SEMA3D: variants seen among roughly 807,000 people sequenced by gnomAD.
SEMA3D encodes the protein semaphorin 3D.
SEMA3D carries 84 observed loss-of-function variants against 100.1 expected under a neutral mutation model. That is an observed-to-expected ratio of 0.84 (90% confidence interval 0.70 to 1.01). SEMA3D has a LOEUF of 1.01. Ranked by LOEUF, SEMA3D falls within the 50% of genes least tolerant of loss-of-function variation. SEMA3D has a pLI of 0.00. For synonymous variants in SEMA3D, 312 were observed against 320.7 expected (o/e 0.97, Z 0.29); for missense variants, 875 against 934.1 (o/e 0.94, Z 0.82).
chr7:85,226,508 T>C, the SEMA3D span, among the ~76,000 whole-genome samples: 6 of 152,330 alleles, frequency 3.9e-5, no homozygotes, highest in East Asian at 5.8e-4. Flanking sequence ...CTATGAAAGA[T>C]AGCAAATTTT....
chr7:85,103,615 T>A (rs1267142917), intron 3 of SEMA3D, among the ~76,000 whole-genome samples: 1 of 151,994 alleles, frequency 6.6e-6, no homozygotes, highest in Non-Finnish European at 1.5e-5. Flanking sequence ...ACCTTTGACC[T>A]AATCCACCAT....
At position 85,147,961 on chromosome 7, in the gene SEMA3D, G is replaced by A. The variant is rs1303214175; in HGVS notation, c.-41+5647C>T. On this transcript the variant is annotated intron_variant, in intron 2 of 18. Coordinates refer to ENST00000284136, the MANE Select transcript of SEMA3D (RefSeq NM_001384900.1). Reference sequence around the variant, plus strand: ...CCAGCCCACTCCACACTAGCTTTGGGTTTTATTCTCTCAAACACCCACTGC... The same window carrying A: ...CCAGCCCACTCCACACTAGCTTTGGATTTTATTCTCTCAAACACCCACTGC... Among the ~76,000 whole-genome samples, 6 of 152,040 alleles carry A rather than the reference G, an allele frequency of 3.9e-5. No individual in the cohort carries two copies. The East Asian group carries it at 1.2e-3, about 29-fold the overall frequency.
chr7:85,135,212 A>C (rs1219531135), intron 2 of SEMA3D, among the ~76,000 whole-genome samples: 2 of 152,110 alleles, frequency 1.3e-5, no homozygotes, highest in African/African-American at 4.8e-5. Flanking sequence ...AATGTACTTT[A>C]AAATCTGTAT....
intron 4 of SEMA3D, among the ~76,000 whole-genome samples, chr7:85,082,149 C>CTTCCCATT (rs1248352754): frequency 6.6e-6 from 1 of 152,170 alleles, no homozygotes; most frequent in Non-Finnish European, 1.5e-5. Flanking sequence ...TGTACTTATT[C>CTTCCCATT]TTCCCATTTT....
chr7:85,041,808 C>G (rs1228580363), intron 10 of SEMA3D: 1 of 182,916 alleles, frequency 5.5e-6, no homozygotes, highest in South Asian at 1.8e-4. Flanking sequence ...AGAGGGCACC[C>G]GTGGAATAAG....
At chr7:85,248,548 T>A in the SEMA3D span, among the ~76,000 whole-genome samples, 1 of 152,258 alleles carries the variant, frequency 6.6e-6, no homozygotes, top group South Asian at 2.1e-4. Context: ...ATTTGATTCA[T>A]AATTGCCAAA....
intron 12 of SEMA3D, chr7:85,029,595 G>A: frequency 2.0e-6 from 1 of 488,866 alleles, no homozygotes; most frequent in East Asian, 4.5e-5. Flanking sequence ...GGACTAGAGT[G>A]CAGAAGGCAT....
intron 1 of SEMA3D, among the ~76,000 whole-genome samples, chr7:85,175,842 G>A (rs966738474): frequency 1.3e-5 from 2 of 151,452 alleles, no homozygotes; most frequent in East Asian, 3.9e-4. Flanking sequence ...GAGATAGTGT[G>A]GTCAAAACAA....
chr7:85,019,515 T>A (rs1205104652), intron 14 of SEMA3D, among the ~76,000 whole-genome samples: 1 of 151,754 alleles, frequency 6.6e-6, no homozygotes, highest in Non-Finnish European at 1.5e-5. Context: ...TAAAGCATTA[T>A]TTACATGGAA....
the SEMA3D span, among the ~76,000 whole-genome samples, chr7:85,243,460 C>A: frequency 6.6e-6 from 1 of 152,088 alleles, no homozygotes; most frequent in Non-Finnish European, 1.5e-5. Flanking sequence ...TAGAGGTGTC[C>A]GTTTGTGGGT....
At chr7:85,233,705 T>C in the SEMA3D span, among the ~76,000 whole-genome samples, 3 of 152,230 alleles carry the variant, frequency 2.0e-5, no homozygotes, top group African/African-American at 4.8e-5. Context: ...CTGGTTTTAC[T>C]AGTTTTATCT....
At chr7:85,244,893 G>C in the SEMA3D span, among the ~76,000 whole-genome samples, 2 of 151,806 alleles carry the variant, frequency 1.3e-5, no homozygotes, top group African/African-American at 2.4e-5. Context: ...TTGTATTTTA[G>C]TGGAGACTGG....
intron 4 of SEMA3D, among the ~76,000 whole-genome samples, chr7:85,096,804 A>C (rs1291368375): frequency 6.6e-6 from 1 of 151,878 alleles, no homozygotes; most frequent in Admixed American, 6.6e-5. Context: ...TAAATCTCAC[A>C]ATTAGAGGGT....
rs146667839 is a variant in SEMA3D at position 85,156,087 on chromosome 7, C to A, written c.-172-2348G>T. Among the ~76,000 whole-genome samples, 25 of 147,584 alleles carry A rather than the reference C, an allele frequency of 1.7e-4. 1 individual carries two copies. Among genetic ancestry groups the A allele is most frequent in the Admixed American group, 1.2e-3 (17 of 14,522 alleles). On this transcript the variant is annotated intron_variant, in intron 1 of 18. Transcript: ENST00000284136. ...ATGTTTTAATTTATCTTGCATTATG[C>A]TGCAATATAAGTGATTTTTTTTTTT...
chr7:85,174,745 G>A (rs999556334), intron 1 of SEMA3D, among the ~76,000 whole-genome samples: 12 of 152,124 alleles, frequency 7.9e-5, no homozygotes, highest in African/African-American at 2.9e-4. Flanking sequence ...TGTTTGTGGG[G>A]TAGGGAGTAG....
intron 9 of SEMA3D, among the ~76,000 whole-genome samples, chr7:85,049,181 A>G (rs559883800): frequency 1.4e-4 from 22 of 151,858 alleles, no homozygotes; most frequent in African/African-American, 5.3e-4. Context: ...AAAAAAAAAG[A>G]ACAACAAAAA....
intron 1 of SEMA3D, among the ~76,000 whole-genome samples, chr7:85,175,782 G>A (rs1039607943): frequency 6.6e-6 from 1 of 151,930 alleles, no homozygotes; most frequent in African/African-American, 2.4e-5. Context: ...ATATAACAAT[G>A]AATTCGGTTA....
chr7:85,089,412 C>G (rs542615509), intron 4 of SEMA3D, among the ~76,000 whole-genome samples: 106 of 151,698 alleles, frequency 7.0e-4, no homozygotes, highest in African/African-American at 2.5e-3. Context: ...CCAGGAACAC[C>G]ACACATTTTT....
upstream of SEMA3D, among the ~76,000 whole-genome samples, chr7:85,188,948 T>G (rs1159369555): frequency 2.6e-5 from 4 of 152,228 alleles, no homozygotes; most frequent in East Asian, 7.7e-4. Flanking sequence ...TTGGCTGTTT[T>G]GTGTCTTTGT....
Sources: gnomAD v4.1 joint callset for allele counts (sites outside exome capture counted in the v4.1 genomes callset) on GRCh38, gnomAD v4.1.1 for gene constraint, MANE v1.5 for transcripts, NCBI Gene and HGNC (gene_info 2026-07-23, HGNC 2026-07-21) for gene names.